Variants in STXBP5L observed in about 807,000 individuals in gnomAD.
The protein encoded by STXBP5L is syntaxin binding protein 5L.
Under a neutral mutation model 144.5 loss-of-function variants are expected in STXBP5L, and 65 were observed. The observed-to-expected ratio is 0.45, with a 90% CI of 0.37 to 0.55. The LOEUF (loss-of-function observed/expected upper bound fraction) is 0.55. STXBP5L is among the 20% of genes least tolerant of loss of function. STXBP5L has a pLI of 0.00. For synonymous variants in STXBP5L, 505 were observed against 469.6 expected (o/e 1.08, Z -0.97); for missense variants, 1,298 against 1,405.5 (o/e 0.92, Z 1.22).
intron 3 of STXBP5L, among the ~76,000 whole-genome samples, chr3:120,978,342 C>A (rs544075905): frequency 1.3e-5 from 2 of 152,326 alleles, no homozygotes; most frequent in South Asian, 4.1e-4. Flanking sequence ...CGCATCAGCT[C>A]TTGAGGCTTC....
Position 121,222,589 on chromosome 3 carries a change from C to T in STXBP5L, c.957-414C>T, listed in dbSNP as rs1056107052. Among the ~76,000 whole-genome samples, 3 of 149,784 alleles carry T rather than the reference C, an allele frequency of 2.0e-5. No homozygotes were observed. In the Admixed American group the frequency reaches 2.1e-4, roughly 10 times the overall value. The stretch of plus-strand genomic sequence containing the variant: ...TTTTATATTAAAATTTGTCTCTTTT[C>T]TCTTGTACAGATTTTAGGCCCCATA... On this transcript the variant is annotated intron_variant, in intron 10 of 26. Transcript: ENST00000471454.
intron 3 of STXBP5L, among the ~76,000 whole-genome samples, chr3:121,027,107 ATATG>A (rs945842386): frequency 6.6e-6 from 1 of 151,896 alleles, no homozygotes. Context: ...ATGTATATAT[ATATG>A]TGTTTGTATA....
At chr3:121,183,021 C>T (rs1230377788) in intron 9 of STXBP5L, among the ~76,000 whole-genome samples, 1 of 152,122 alleles carries the variant, frequency 6.6e-6, no homozygotes, top group Admixed American at 6.6e-5. Flanking sequence ...TGGGTGAATA[C>T]ATGTGATACA....
At chr3:120,986,084 G>GT (rs1393051642) in intron 3 of STXBP5L, among the ~76,000 whole-genome samples, 1 of 151,688 alleles carries the variant, frequency 6.6e-6, no homozygotes, top group Non-Finnish European at 1.5e-5. Context: ...ACGAGTTTTG[G>GT]TATGTTTTCA....
chr3:121,013,767 G>A (rs775666411), intron 3 of STXBP5L, among the ~76,000 whole-genome samples: 2 of 151,992 alleles, frequency 1.3e-5, no homozygotes, highest in African/African-American at 2.4e-5. Flanking sequence ...AGATTGTGTA[G>A]TTTGAGATGT....
intron 2 of STXBP5L, among the ~76,000 whole-genome samples, chr3:120,920,578 T>C (rs1709314113): frequency 6.6e-6 from 1 of 151,870 alleles, no homozygotes; most frequent in Non-Finnish European, 1.5e-5. Flanking sequence ...TACTGATCTA[T>C]TAAATACTAG....
chr3:121,400,855 A>G (rs1487447115), intron 22 of STXBP5L, among the ~76,000 whole-genome samples: 3 of 152,176 alleles, frequency 2.0e-5, no homozygotes, highest in Admixed American at 2.0e-4. Context: ...GCTACAGTTC[A>G]AAATAGAGGT....
At position 121,190,643 on chromosome 3, in the gene STXBP5L, C is replaced by T. The variant is rs369384783; in HGVS notation, c.878-15280C>T. 1.5e-4 allele frequency among the ~76,000 whole-genome samples: 23 copies of T among 151,558 alleles called. 1 individual carries two copies. In the East Asian group the frequency reaches 3.8e-3, roughly 25 times the overall value. ...CAGACGGGGCAGCCAGGCAGAGGCA[C>T]CCCCCACCTCCCAGATGGGGTGGCT... On this transcript the variant is annotated intron_variant, in intron 9 of 26. Coordinates refer to ENST00000471454, the MANE Select transcript of STXBP5L (RefSeq NM_001308330.2).
intron 3 of STXBP5L, among the ~76,000 whole-genome samples, chr3:121,036,905 A>G (rs1946797893): frequency 6.6e-6 from 1 of 151,126 alleles, no homozygotes; most frequent in Admixed American, 6.6e-5. Flanking sequence ...TGGTTATATT[A>G]TATAATTCTT....
At chr3:121,209,271 C>T (rs894782685) in intron 10 of STXBP5L, among the ~76,000 whole-genome samples, 35 of 151,932 alleles carry the variant, frequency 2.3e-4, no homozygotes, top group Non-Finnish European at 4.4e-5. Flanking sequence ...ATTTATAATC[C>T]TTTGGATACA....
intron 19 of STXBP5L, among the ~76,000 whole-genome samples, chr3:121,292,140 A>G (rs1192035268): frequency 6.6e-6 from 1 of 152,218 alleles, no homozygotes; most frequent in East Asian, 1.9e-4. Flanking sequence ...AATTTTCACA[A>G]ACTATGCATC....
intron 7 of STXBP5L, among the ~76,000 whole-genome samples, chr3:121,150,300 A>G (rs1056804592): frequency 6.6e-6 from 1 of 152,090 alleles, no homozygotes; most frequent in African/African-American, 2.4e-5. Context: ...TCTGTTTAAA[A>G]AATATGTATA....
At chr3:120,984,399 G>A (rs1414320192) in intron 3 of STXBP5L, among the ~76,000 whole-genome samples, 1 of 152,008 alleles carries the variant, frequency 6.6e-6, no homozygotes, top group Non-Finnish European at 1.5e-5. Flanking sequence ...TTTTTGTGTT[G>A]GGAAGTGATG....
At chr3:121,179,271 C>G (rs1470588613) in intron 9 of STXBP5L, among the ~76,000 whole-genome samples, 1 of 151,704 alleles carries the variant, frequency 6.6e-6, no homozygotes, top group African/African-American at 2.4e-5. Flanking sequence ...CTACAATAAC[C>G]AACATCAGGA....
chr3:121,075,941 G>A (rs761821710), intron 5 of STXBP5L, among the ~76,000 whole-genome samples: 5 of 152,220 alleles, frequency 3.3e-5, no homozygotes, highest in Non-Finnish European at 5.9e-5. Context: ...AATGACAGAA[G>A]AAGTTGTTTG....
At chr3:121,349,995 G>T (rs977475526) in intron 20 of STXBP5L, among the ~76,000 whole-genome samples, 1 of 152,086 alleles carries the variant, frequency 6.6e-6, no homozygotes, top group Non-Finnish European at 1.5e-5. Flanking sequence ...ATTTGATCCT[G>T]TCATTGTGAT....
At chr3:121,192,935 C>T (rs572460163) in intron 9 of STXBP5L, among the ~76,000 whole-genome samples, 4 of 151,838 alleles carry the variant, frequency 2.6e-5, no homozygotes, top group Non-Finnish European at 1.5e-5. Context: ...AACTAAAACA[C>T]CAAAAGCAAT....
chr3:121,313,164 C>T (rs1287560250), intron 19 of STXBP5L, among the ~76,000 whole-genome samples: 27 of 141,204 alleles, frequency 1.9e-4, no homozygotes, highest in South Asian at 1.1e-3. Context: ...TAGGGGCGGC[C>T]GGGCAGAGGC....
chr3:121,021,823 C>G (rs972093252), intron 3 of STXBP5L, among the ~76,000 whole-genome samples: 4 of 151,964 alleles, frequency 2.6e-5, no homozygotes, highest in Admixed American at 2.0e-4. Flanking sequence ...TGAAAGAGCA[C>G]AAATAGACAA....
Sources: allele counts gnomAD v4.1 joint callset (sites outside exome capture counted in the v4.1 genomes callset), GRCh38; gene constraint gnomAD v4.1.1; transcripts MANE v1.5; gene names NCBI Gene and HGNC (gene_info 2026-07-23, HGNC 2026-07-21).